The following OARD1 variants were observed in gnomAD, a reference collection of about 807,000 sequenced individuals.
OARD1 encodes the protein ADP-ribose glycohydrolase OARD1.
OARD1 carries 19 observed loss-of-function variants against 19.7 expected under a neutral mutation model. The observed-to-expected ratio is 0.96, with a 90% CI of 0.67 to 1.41. The LOEUF is 1.41. Ranked by LOEUF, OARD1 falls within the 40% of genes most tolerant of loss-of-function variation. The pLI is 0.00. For missense variants in OARD1, 190 were observed against 183.8 expected (o/e 1.03, Z -0.20); for synonymous variants, 70 against 61.8 (o/e 1.13, Z -0.62).
intron 1 of OARD1, chr6:41,079,223 A>C: frequency 6.6e-7 from 1 of 1,510,250 alleles, no homozygotes; most frequent in South Asian, 1.1e-5. Flanking sequence ...AGCACCACTC[A>C]ATTGGTTGGT....
chr6:41,074,572 G>A (rs1763678996), upstream of OARD1, among the ~76,000 whole-genome samples: 1 of 152,214 alleles, frequency 6.6e-6, no homozygotes. Context: ...GAGCTTGCTC[G>A]AAGAGAAGAA....
intron 1 of OARD1, among the ~76,000 whole-genome samples, chr6:41,081,305 T>G (rs1054276628): frequency 6.6e-6 from 1 of 152,034 alleles, no homozygotes; most frequent in African/African-American, 2.4e-5. Context: ...CTGGCAAACA[T>G]GGTGAAACCC....
chr6:41,071,938 G>A (rs1763438465), intron 1 of OARD1: 2 of 411,604 alleles, frequency 4.9e-6, no homozygotes, highest in Admixed American at 7.7e-5. Flanking sequence ...CCATCCCTAA[G>A]ACACGCCTCC....
intron 1 of OARD1, among the ~76,000 whole-genome samples, chr6:41,081,392 G>C (rs1052877486): frequency 2.6e-5 from 4 of 151,950 alleles, no homozygotes; most frequent in Non-Finnish European, 5.9e-5. Flanking sequence ...TGGGAGGCTG[G>C]AGCAGGAGAA....
chr6:41,089,733 A>G, intron 1 of OARD1: 1 of 1,607,576 alleles, frequency 6.2e-7, no homozygotes, highest in Non-Finnish European at 8.5e-7. Context: ...GCTCTGTCAC[A>G]CAGGAGCAAA....
Position 41,067,370 on chromosome 6 carries a change from C to T in OARD1, c.424G>A (p.Ala142Thr), listed in dbSNP as rs779073979. Residue 142 changes from alanine to threonine, a missense_variant, in exon 6 of 6, where the codon GCA becomes ACA. Physicochemically the swap from Ala to Thr is moderately conservative, Grantham distance 58. Transcript: ENST00000424266. ...TACACAGTAATTTTGATGTCTGTTG[C>T]CTCAAATACCTCCTCGATCATCGCA... ...VSAMIEEVFEATDIKITVYTL is the reference protein window; with the variant it reads ...VSAMIEEVFETTDIKITVYTL 1.2e-6 allele frequency: 2 copies of T among 1,613,206 alleles called. No homozygotes were observed. The highest frequency in any genetic ancestry group is 1.1e-5 in the South Asian group (1 of 91,052).
Position 41,071,054 on chromosome 6 carries a change from C to G in OARD1, c.184+78G>C, listed in dbSNP as rs765225388. ...GGTTCTTAGGAATCCCCTCTTTACA[C>G]GCATATTTTATTAAAGTGTAACAGA... On this transcript the variant is annotated intron_variant, in intron 3 of 5. Transcript: ENST00000424266. 6.4e-6 allele frequency: 9 copies of G among 1,398,618 alleles called. No homozygotes were observed. The African/African-American group carries it at 1.1e-4, about 18-fold the overall frequency. 86.6% of individuals were successfully genotyped at this position (1,398,618 alleles called of 1,614,324 possible).
intron 3 of OARD1, chr6:41,070,689 C>T (rs993905099): frequency 5.3e-5 from 14 of 264,422 alleles, no homozygotes; most frequent in East Asian, 9.3e-5. Context: ...GGAATGTGGT[C>T]GGAGAAACTG....
intron 1 of OARD1, among the ~76,000 whole-genome samples, chr6:41,087,881 A>G (rs2113807757): frequency 6.6e-6 from 1 of 152,360 alleles, no homozygotes; most frequent in African/African-American, 2.4e-5. Context: ...GCCATTAAAA[A>G]AAAGAAAGAA....
At chr6:41,071,752 T>C (rs1444947229) in intron 1 of OARD1, 77 bp from the exon 2 acceptor site, 6 of 786,956 alleles carry the variant, frequency 7.6e-6, no homozygotes, top group Non-Finnish European at 1.3e-5. Context: ...GTACAACCAC[T>C]TAATAGGCTT....
chr6:41,079,613 A>G (rs1041429870), intron 1 of OARD1, among the ~76,000 whole-genome samples: 1 of 152,226 alleles, frequency 6.6e-6, no homozygotes, highest in Non-Finnish European at 1.5e-5. Flanking sequence ...GATAATATTT[A>G]GACAGCCATT....
chr6:41,086,577 C>A (rs1378762632), intron 1 of OARD1, among the ~76,000 whole-genome samples: 1 of 152,064 alleles, frequency 6.6e-6, no homozygotes, highest in African/African-American at 2.4e-5. Context: ...TACTTCTTAA[C>A]CTTTTTTGAA....
rs1163268711 is a variant in OARD1, at chr6:41,068,877, CAATG to C, written c.316_319del (p.His106ValfsTer2). ...GAGGTCAGTGACTCCATTCTTCAGA[CAATG>C]AGACTTCATTGCCTCTAAACTCTTC... is the stretch of plus-strand genomic sequence containing the variant. On this transcript the variant is annotated frameshift_variant, in exon 5 of 6. Transcript: ENST00000424266. LOFTEE classifies it high-confidence loss of function. 6.2e-7 allele frequency: 1 copy of C among 1,608,548 alleles called. No homozygotes were observed. The highest frequency in any genetic ancestry group is 8.5e-7 in the Non-Finnish European group (1 of 1,176,704).
chr6:41,081,571 C>T (rs62396296), intron 1 of OARD1, among the ~76,000 whole-genome samples: 12,624 of 151,988 alleles, frequency 0.083, 624 homozygotes, highest in Middle Eastern at 0.14. Context: ...ATTTGTGTTA[C>T]AATGGAGAAG....
In OARD1 at chr6:41,071,661, T is replaced by A; in HGVS notation, c.-27A>T. The A allele has an allele frequency of 6.2e-7, 1 of 1,603,676 alleles. No homozygotes were observed. The highest frequency in any genetic ancestry group is 2.2e-5 in the East Asian group (1 of 44,854). On this transcript the variant is annotated 5_prime_UTR_variant, in exon 2 of 6. Coordinates refer to ENST00000424266, the MANE Select transcript of OARD1 (RefSeq NM_001329686.2). ...ATACTGAGTCGCTATTTCCAGAATT[T>A]AAGTGTTTCTTCAGCTATGAGAAGG...
chr6:41,070,039 C>G (rs2272986), intron 4 of OARD1, 37 bp downstream of exon 4: 3 of 1,173,470 alleles, frequency 2.6e-6, no homozygotes, highest in South Asian at 2.4e-5. Context: ...GTATTAAGAA[C>G]TGGCCCTGAA....
chr6:41,076,831 T>A (rs1763744660), upstream of OARD1, among the ~76,000 whole-genome samples: 1 of 152,190 alleles, frequency 6.6e-6, no homozygotes, highest in Non-Finnish European at 1.5e-5. Context: ...CTCACAGTAG[T>A]AGGAACATAT....
chr6:41,071,232 G>A lies in OARD1; in HGVS notation c.84C>T (p.Asp28=), dbSNP rs768414031. 9 of 1,613,948 alleles carry A rather than the reference G, an allele frequency of 5.6e-6. 1 individual carries two copies. The South Asian group carries it at 6.6e-5, about 12-fold the overall frequency. The change falls in exon 3 of 6, where the codon GAC becomes GAT. Residue 28 remains aspartate (D), a synonymous_variant. Coordinates refer to ENST00000424266, the MANE Select transcript of OARD1 (RefSeq NM_001329686.2). ...KGDLFACPKT[D]SLAHCISEDC... ...CCTCACTGATACAGTGGGCTAAAGAGTCTGTTTTCGGGCATGCAAAAAGGT... is the reference window on the plus strand; with the variant it reads ...CCTCACTGATACAGTGGGCTAAAGAATCTGTTTTCGGGCATGCAAAAAGGT...
intron 1 of OARD1, chr6:41,089,435 A>T: frequency 1.3e-6 from 1 of 768,588 alleles, no homozygotes; most frequent in Non-Finnish European, 1.9e-6. Flanking sequence ...AGTTGTGTCT[A>T]CTTCATAATG....
Sources: allele counts gnomAD v4.1 joint callset (sites outside exome capture counted in the v4.1 genomes callset), GRCh38; gene constraint gnomAD v4.1.1; transcripts MANE v1.5; gene names NCBI Gene and HGNC (gene_info 2026-07-23, HGNC 2026-07-21).